The following NCOA1 variants were observed in gnomAD, a reference collection of about 807,000 sequenced individuals.
NCOA1 encodes nuclear receptor coactivator 1, also known as Hin-2 protein.
A neutral mutation model predicts 150.9 loss-of-function variants in NCOA1; 35 were observed. The ratio of observed to expected loss-of-function variants is 0.23; its 90% CI spans 0.18 to 0.31. NCOA1 has a LOEUF of 0.31. NCOA1 is among the 10% of genes least tolerant of loss of function. The pLI is 1.00. For synonymous variants in NCOA1, 590 were observed against 630.0 expected, an observed-to-expected ratio of 0.94 and a Z score of 0.95; for missense variants, 1,491 against 1,749.3, an observed-to-expected ratio of 0.85 and a Z score of 2.63.
At chr2:24,608,704 G>GTTTTTTTTTT (rs56710627) in intron 3 of NCOA1, among the ~76,000 whole-genome samples, 116 of 117,280 alleles carry the variant, frequency 9.9e-4, no homozygotes, top group African/African-American at 1.7e-3. Context: ...TTGTTGTTGT[G>GTTTTTTTTTT]TTTTTTTTTT....
At chr2:24,674,239 T>C (rs963051117) in intron 7 of NCOA1, among the ~76,000 whole-genome samples, 2 of 151,516 alleles carry the variant, frequency 1.3e-5, no homozygotes, top group African/African-American at 4.9e-5. Context: ...GGAGTCTCGC[T>C]TTGTGGCCCA....
chr2:24,711,124 G>A lies in NCOA1; in HGVS notation c.2599+13G>A. The A allele has an allele frequency of 6.2e-7, 1 of 1,602,060 alleles. No homozygotes were observed. Among genetic ancestry groups the A allele is most frequent in the Non-Finnish European group, 8.5e-7 (1 of 1,173,322 alleles). ...TCCAGGCTAAATAGTATGTTCTGGGGACAACACCTCATTTTAAACGTTTAG... is the reference window on the plus strand; with the variant it reads ...TCCAGGCTAAATAGTATGTTCTGGGAACAACACCTCATTTTAAACGTTTAG... On this transcript the variant is annotated intron_variant, in intron 14 of 22. Transcript: ENST00000348332.
chr2:24,600,715 G>A (rs975989433), intron 3 of NCOA1, among the ~76,000 whole-genome samples: 22 of 152,060 alleles, frequency 1.4e-4, no homozygotes, highest in Admixed American at 4.6e-4. Context: ...AATTTCTTTC[G>A]GTGATAGTAT....
At chr2:24,525,431 A>G (rs1234985919) in intron 1 of NCOA1, among the ~76,000 whole-genome samples, 1 of 152,226 alleles carries the variant, frequency 6.6e-6, no homozygotes, top group Admixed American at 6.5e-5. Context: ...AGGATTAGGA[A>G]AGCAGAATCG....
chr2:24,538,944 A>G lies in NCOA1; in HGVS notation c.-395-25351A>G, dbSNP rs532534690. Among the ~76,000 whole-genome samples, 131 of 152,338 alleles carry G rather than the reference A, an allele frequency of 8.6e-4. 1 individual carries two copies. Among genetic ancestry groups the G allele is most frequent in the African/African-American group, 3.1e-3 (127 of 41,576 alleles). Reference sequence around the variant, plus strand: ...GAAGTGAATCTTCTTTTGACTAGTCAAGTAAGAGTTTACAGAGGACAGGAC... The same window carrying G: ...GAAGTGAATCTTCTTTTGACTAGTCGAGTAAGAGTTTACAGAGGACAGGAC... On this transcript the variant is annotated intron_variant, in intron 1 of 22. Coordinates refer to ENST00000348332, the MANE Select transcript of NCOA1 (RefSeq NM_003743.5).
intron 1 of NCOA1, among the ~76,000 whole-genome samples, chr2:24,553,236 T>C (rs1425179823): frequency 2.0e-5 from 3 of 152,170 alleles, no homozygotes; most frequent in African/African-American, 7.2e-5. Context: ...TTTTTTTTTT[T>C]TGAGGCAGGG....
intron 17 of NCOA1, among the ~76,000 whole-genome samples, chr2:24,731,730 C>A (rs1314297457): frequency 6.6e-6 from 1 of 152,178 alleles, no homozygotes; most frequent in Non-Finnish European, 1.5e-5. Flanking sequence ...TGAAGATAAA[C>A]TACTTCTTGT....
intron 1 of NCOA1, among the ~76,000 whole-genome samples, chr2:24,539,448 G>T (rs915175071): frequency 6.6e-6 from 1 of 152,164 alleles, no homozygotes. Context: ...GGGATATTGC[G>T]TGGGGAAAGA....
intron 6 of NCOA1, among the ~76,000 whole-genome samples, chr2:24,670,919 T>C (rs1378377844): frequency 1.3e-5 from 2 of 152,206 alleles, no homozygotes; most frequent in South Asian, 2.1e-4. Flanking sequence ...AACTATGATA[T>C]TGTTTTTCAG....
chr2:24,650,639 A>C (rs1199731487), intron 4 of NCOA1, among the ~76,000 whole-genome samples: 1 of 152,158 alleles, frequency 6.6e-6, no homozygotes, highest in Non-Finnish European at 1.5e-5. Flanking sequence ...AACCCAGATA[A>C]AGATCAGGCA....
chr2:24,552,337 A>ATG (rs1665869059), intron 1 of NCOA1, among the ~76,000 whole-genome samples: 2 of 14,242 alleles, frequency 1.4e-4, no homozygotes, highest in Non-Finnish European at 2.8e-4. Flanking sequence ...ATATATATAT[A>ATG]TATATATATA....
Position 24,768,467 on chromosome 2 carries a change from TTTTTG to T in NCOA1, c.*77_*81del. ...AAATATATTATATATTTTTCTGAGATTTTTGATATCTCAATCTGCAGCCATTCTTC... is the reference window on the plus strand; with the variant it reads ...AAATATATTATATATTTTTCTGAGATATATCTCAATCTGCAGCCATTCTTC... On this transcript the variant is annotated 3_prime_UTR_variant, in exon 23 of 23. Coordinates refer to ENST00000348332, the MANE Select transcript of NCOA1 (RefSeq NM_003743.5). 1 of 1,057,120 alleles carries T rather than the reference TTTTTG, an allele frequency of 9.5e-7. No homozygotes were observed. Among genetic ancestry groups the T allele is most frequent in the Non-Finnish European group, 1.2e-6 (1 of 809,868 alleles). 65.5% of individuals were successfully genotyped at this position (1,057,120 alleles called of 1,614,324 possible). A position where few individuals can be genotyped will look rare whatever the true frequency, so the allele number is the denominator to read the frequency against.
rs190742697 is a variant in NCOA1, at chr2:24,608,776, A to T, written c.-175+24216A>T. 2.4e-5 allele frequency among the ~76,000 whole-genome samples: 3 copies of T among 123,112 alleles called. No homozygotes were observed. The East Asian group carries it at 7.3e-4, about 30-fold the overall frequency. 80.8% of individuals were successfully genotyped at this position (123,112 alleles called of 152,430 possible). On this transcript the variant is annotated intron_variant, in intron 3 of 22. Transcript: ENST00000348332. ...CAGGGTTCCCACAGTATCACATTGT[A>T]TTTAATTGTCATGTCTTCCCAGTCT...
intron 1 of NCOA1, among the ~76,000 whole-genome samples, chr2:24,504,515 T>C (rs1439049805): frequency 6.6e-6 from 1 of 152,252 alleles, no homozygotes; most frequent in Non-Finnish European, 1.5e-5. Context: ...AATACCAAAA[T>C]TGGTAGACCC....
chr2:24,633,051 A>G (rs1361731852), intron 3 of NCOA1, among the ~76,000 whole-genome samples: 5 of 152,296 alleles, frequency 3.3e-5, no homozygotes, highest in African/African-American at 7.2e-5. Flanking sequence ...AAAATAGACT[A>G]TGCCACCTAG....
chr2:24,697,778 C>T lies in NCOA1; in HGVS notation c.929C>T (p.Ala310Val). ...CCTCAGGGCAGAGAACCATCTTATG[C>T]CAGACAGCTGTTCCAAGAAGGTAAA... ...FQPQGREPSY[A>V]RQLFQEVMTR... Residue 310 changes from alanine to valine, a missense_variant, in exon 11 of 23, where the codon GCC (alanine) becomes GTC (valine). By Grantham distance (64) the Ala-to-Val change is moderately conservative. Coordinates refer to ENST00000348332, the MANE Select transcript of NCOA1 (RefSeq NM_003743.5). The T allele has an allele frequency of 6.2e-7, 1 of 1,613,448 alleles. No homozygotes were observed. Among genetic ancestry groups the T allele is most frequent in the Non-Finnish European group, 8.5e-7 (1 of 1,179,610 alleles).
intron 6 of NCOA1, among the ~76,000 whole-genome samples, chr2:24,667,662 A>G (rs1182393880): frequency 4.6e-5 from 7 of 152,214 alleles, no homozygotes; most frequent in Admixed American, 3.9e-4. Context: ...TAGAAACAGG[A>G]TAGCTGGAAA....
At chr2:24,495,011 T>C (rs1663139425) in intron 1 of NCOA1, among the ~76,000 whole-genome samples, 1 of 152,088 alleles carries the variant, frequency 6.6e-6, no homozygotes, top group Non-Finnish European at 1.5e-5. Flanking sequence ...CCTTTCAACA[T>C]TTGGTGTCAG....
chr2:24,510,446 A>G (rs1663889338), intron 1 of NCOA1, among the ~76,000 whole-genome samples: 1 of 152,134 alleles, frequency 6.6e-6, no homozygotes, highest in Non-Finnish European at 1.5e-5. Context: ...TCCTGGGCTC[A>G]AGTGACCCAT....
Sources: gnomAD v4.1 joint callset for allele counts (sites outside exome capture counted in the v4.1 genomes callset) on GRCh38, gnomAD v4.1.1 for gene constraint, MANE v1.5 for transcripts, NCBI Gene and HGNC (gene_info 2026-07-23, HGNC 2026-07-21) for gene names.